Variants in AFF3 observed in about 807,000 individuals in gnomAD.
AFF3 encodes ALF transcription elongation factor 3.
Under a neutral mutation model 129.7 loss-of-function variants are expected in AFF3, and 32 were observed. That is an observed-to-expected ratio of 0.25 (90% CI 0.19 to 0.33). The LOEUF (loss-of-function observed/expected upper bound fraction) is 0.33. Among genes scored for constraint, AFF3 ranks in the 10% least tolerant of loss-of-function variants. The probability of loss-of-function intolerance (pLI) is 1.00; values close to 1 mark genes in which losing one functional copy is unlikely to be tolerated. For synonymous variants in AFF3, 644 were observed against 635.4 expected (o/e 1.01, Z -0.20); for missense variants, 1,373 against 1,592.0 (o/e 0.86, Z 2.34).
chr2:99,673,795 G>A (rs1687378594), intron 11 of AFF3, among the ~76,000 whole-genome samples: 1 of 152,152 alleles, frequency 6.6e-6, no homozygotes, highest in Non-Finnish European at 1.5e-5. Flanking sequence ...AGTCACTTTT[G>A]GGGCGAACTG....
At chr2:99,755,845 C>T (rs1168353733) in intron 8 of AFF3, among the ~76,000 whole-genome samples, 1 of 152,184 alleles carries the variant, frequency 6.6e-6, no homozygotes, top group East Asian at 1.9e-4. Flanking sequence ...AAATTCAACA[C>T]CCAACACTAG....
intron 13 of AFF3, among the ~76,000 whole-genome samples, chr2:99,648,029 T>C (rs1684848737): frequency 6.6e-6 from 1 of 152,236 alleles, no homozygotes; most frequent in Non-Finnish European, 1.5e-5. Context: ...TGAATTGTCT[T>C]TGTATTTGTG....
chr2:99,847,211 C>T (rs1051783740), intron 7 of AFF3, among the ~76,000 whole-genome samples: 5 of 151,926 alleles, frequency 3.3e-5, no homozygotes, highest in East Asian at 2.0e-4. Flanking sequence ...GAGTTTCGCT[C>T]GTTGGCCAGG....
chr2:99,915,410 A>G (rs1174270361), intron 7 of AFF3, among the ~76,000 whole-genome samples: 3 of 152,206 alleles, frequency 2.0e-5, no homozygotes, highest in Non-Finnish European at 4.4e-5. Context: ...AATAAAAGCC[A>G]TACAAACCTG....
intron 17 of AFF3, among the ~76,000 whole-genome samples, chr2:99,579,634 C>T (rs1397430651): frequency 2.0e-5 from 3 of 152,024 alleles, no homozygotes; most frequent in Non-Finnish European, 4.4e-5. Context: ...GCAGGAGAAT[C>T]GTTTGAACCT....
chr2:99,804,648 G>A (rs1490396875), intron 8 of AFF3, among the ~76,000 whole-genome samples: 1 of 152,150 alleles, frequency 6.6e-6, no homozygotes, highest in African/African-American at 2.4e-5. Context: ...GTTTATCGCA[G>A]CACAATTCAC....
chr2:99,866,201 T>C (rs1256751028), intron 7 of AFF3, among the ~76,000 whole-genome samples: 1 of 152,220 alleles, frequency 6.6e-6, no homozygotes, highest in Non-Finnish European at 1.5e-5. Flanking sequence ...TATGTACCTC[T>C]CTTTTTCAGT....
rs958418624 is a variant in AFF3, at chr2:99,892,472, C to G, written c.874-54948G>C. 4.6e-5 allele frequency among the ~76,000 whole-genome samples: 7 copies of G among 152,186 alleles called. No homozygotes were observed. The East Asian group carries it at 1.4e-3, about 29-fold the overall frequency. On this transcript the variant is annotated intron_variant, in intron 7 of 24. Transcript: ENST00000672756. ...TCTTTATAAAGAGCTTTATAATAAA[C>G]TTTATAAAGTTTAAAGAATTTTTTC... is the stretch of plus-strand genomic sequence containing the variant.
intron 13 of AFF3, among the ~76,000 whole-genome samples, chr2:99,642,444 A>G (rs1391376773): frequency 6.6e-6 from 1 of 152,120 alleles, no homozygotes; most frequent in Non-Finnish European, 1.5e-5. Flanking sequence ...CTCATCATCT[A>G]CCTGTGATTC....
chr2:99,733,422 C>T (rs986088571), intron 10 of AFF3, among the ~76,000 whole-genome samples: 7 of 137,998 alleles, frequency 5.1e-5, no homozygotes, highest in African/African-American at 1.8e-4. Context: ...AACAACAAAA[C>T]TTTTCCCAGT....
chr2:99,923,015 T>C (rs1450909321), intron 7 of AFF3, among the ~76,000 whole-genome samples: 1 of 152,168 alleles, frequency 6.6e-6, no homozygotes, highest in African/African-American at 2.4e-5. Flanking sequence ...GTAGCAACCT[T>C]ATAAATGTTT....
chr2:99,828,435 G>C (rs879590069), intron 8 of AFF3, among the ~76,000 whole-genome samples: 2 of 152,214 alleles, frequency 1.3e-5, no homozygotes, highest in Non-Finnish European at 2.9e-5. Flanking sequence ...CTGGCTGCTG[G>C]AGAGAAGCAG....
intron 11 of AFF3, among the ~76,000 whole-genome samples, chr2:99,718,968 G>A (rs1037668558): frequency 6.6e-6 from 1 of 150,568 alleles, no homozygotes; most frequent in Non-Finnish European, 1.5e-5. Context: ...AGCCAGGATG[G>A]TCTTGATCTC....
chr2:99,869,852 C>G (rs760130870), intron 7 of AFF3, among the ~76,000 whole-genome samples: 6 of 152,116 alleles, frequency 3.9e-5, no homozygotes, highest in Non-Finnish European at 8.8e-5. Flanking sequence ...TCTCTGGGAG[C>G]GATTTTCATG....
At chr2:100,083,742 C>T (rs1179239780) in intron 4 of AFF3, among the ~76,000 whole-genome samples, 11 of 152,034 alleles carry the variant, frequency 7.2e-5, no homozygotes, top group South Asian at 2.1e-4. Flanking sequence ...AATGCAGAGA[C>T]GATGAGAGGG....
At chr2:99,682,046 A>G (rs1238794844) in intron 11 of AFF3, among the ~76,000 whole-genome samples, 1 of 151,802 alleles carries the variant, frequency 6.6e-6, no homozygotes, top group African/African-American at 2.4e-5. Flanking sequence ...AGTTGGGACT[A>G]CAGGTGCCTG....
intron 7 of AFF3, among the ~76,000 whole-genome samples, chr2:99,982,648 C>T (rs1238765155): frequency 6.6e-6 from 1 of 152,178 alleles, no homozygotes; most frequent in Non-Finnish European, 1.5e-5. Flanking sequence ...GGAAACATTC[C>T]TTATGACTCT....
intron 8 of AFF3, among the ~76,000 whole-genome samples, chr2:99,829,425 G>A (rs538993549): frequency 6.6e-6 from 1 of 152,136 alleles, no homozygotes; most frequent in African/African-American, 2.4e-5. Flanking sequence ...ACAAGGAACT[G>A]AAACGTATTT....
chr2:99,990,557 C>T (rs2104582219), intron 7 of AFF3, among the ~76,000 whole-genome samples: 1 of 152,148 alleles, frequency 6.6e-6, no homozygotes, highest in Middle Eastern at 3.4e-3. Context: ...GTTCTACATC[C>T]TGCAAGGATT....
Sources: gnomAD v4.1 joint callset for allele counts (sites outside exome capture counted in the v4.1 genomes callset) on GRCh38, gnomAD v4.1.1 for gene constraint, MANE v1.5 for transcripts, NCBI Gene and HGNC (gene_info 2026-07-23, HGNC 2026-07-21) for gene names.